The following CSMD3 variants were observed in gnomAD, a reference collection of about 807,000 sequenced individuals.
CSMD3 encodes CUB and Sushi multiple domains 3.
In CSMD3, 177 loss-of-function variants were observed where a neutral mutation model predicts 435.2. The observed-to-expected ratio is 0.41, with a 90% CI of 0.36 to 0.46. The LOEUF is 0.46. Among genes scored for constraint, CSMD3 ranks in the 20% least tolerant of loss-of-function variants. The probability of loss-of-function intolerance (pLI) is 0.34; values close to 1 mark genes in which losing one functional copy is unlikely to be tolerated. For synonymous variants in CSMD3, 1,656 were observed against 1,520.5 expected, an observed-to-expected ratio of 1.09 and a Z score of -2.07; for missense variants, 4,265 against 4,504.6, an observed-to-expected ratio of 0.95 and a Z score of 1.52.
chr8:113,096,444 C>A (rs1221988489), intron 5 of CSMD3, among the ~76,000 whole-genome samples: 5 of 152,054 alleles, frequency 3.3e-5, no homozygotes, highest in Non-Finnish European at 7.4e-5. Flanking sequence ...GCCTCACCTC[C>A]ACTGCTATTT....
At chr8:112,819,281 C>CTG (rs1447919387) in intron 12 of CSMD3, among the ~76,000 whole-genome samples, 13 of 152,160 alleles carry the variant, frequency 8.5e-5, no homozygotes, top group Admixed American at 7.9e-4. Context: ...AACATGCAGG[C>CTG]TGGGTTGACA....
rs546180350 is a variant in CSMD3, at chr8:112,437,514, T to A, written c.5396-28482A>T. 6.1e-4 allele frequency among the ~76,000 whole-genome samples: 93 copies of A among 152,166 alleles called. 1 individual carries two copies. Among genetic ancestry groups the A allele is most frequent in the African/African-American group, 2.1e-3 (88 of 41,552 alleles). On this transcript the variant is annotated intron_variant, in intron 32 of 70. Transcript: ENST00000297405. ...ATCTCTGGATTCATAAACAAATATG[T>A]CAATAAAGCATGGGAATTCCATGTG...
chr8:112,948,657 A>C (rs2083697379), intron 8 of CSMD3, among the ~76,000 whole-genome samples: 1 of 152,012 alleles, frequency 6.6e-6, no homozygotes, highest in African/African-American at 2.4e-5. Context: ...TTCAATCTTA[A>C]AGTGAACTGG....
rs552807226 is a variant in CSMD3, at chr8:112,931,168, T to A, written c.1509-9417A>T. On this transcript the variant is annotated intron_variant, in intron 9 of 70. Coordinates refer to ENST00000297405, the MANE Select transcript of CSMD3 (RefSeq NM_198123.2). ...AAATACTTCATCATTTTTTTTATGT[T>A]GCTATGCCTCTTTCATGAATAAAAT... 1.4e-4 allele frequency among the ~76,000 whole-genome samples: 21 copies of A among 152,236 alleles called. No homozygotes were observed. The South Asian group carries it at 4.4e-3, about 32-fold the overall frequency.
At chr8:112,258,265 C>T (rs984007883) in intron 61 of CSMD3, among the ~76,000 whole-genome samples, 11 of 152,056 alleles carry the variant, frequency 7.2e-5, no homozygotes, top group African/African-American at 2.7e-4. Context: ...GCAACAAAAG[C>T]CAAATTTGAC....
At chr8:113,004,979 T>C (rs1392310712) in intron 6 of CSMD3, among the ~76,000 whole-genome samples, 1 of 151,796 alleles carries the variant, frequency 6.6e-6, no homozygotes, top group Non-Finnish European at 1.5e-5. Context: ...ATGTTATACA[T>C]CATTATATAT....
intron 13 of CSMD3, among the ~76,000 whole-genome samples, chr8:112,795,378 A>G (rs1265552059): frequency 2.0e-5 from 3 of 152,210 alleles, no homozygotes; most frequent in African/African-American, 7.2e-5. Context: ...GATTGTGTCA[A>G]TGGATACAGA....
intron 64 of CSMD3, among the ~76,000 whole-genome samples, chr8:112,245,502 C>T (rs766815729): frequency 1.3e-5 from 2 of 151,794 alleles, no homozygotes; most frequent in East Asian, 1.9e-4. Context: ...TTTTTTACTC[C>T]GTGTGCTAAA....
At chr8:113,396,654 G>A (rs112347294) in intron 1 of CSMD3, among the ~76,000 whole-genome samples, 6 of 152,070 alleles carry the variant, frequency 3.9e-5, no homozygotes, top group African/African-American at 1.4e-4. Context: ...GTACTTTTGA[G>A]TAAATGTTTT....
At position 112,568,968 on chromosome 8, in the gene CSMD3, G is replaced by A. The variant is rs116666829; in HGVS notation, c.4042+4533C>T. On this transcript the variant is annotated intron_variant, in intron 24 of 70. Transcript: ENST00000297405. The stretch of plus-strand genomic sequence containing the variant: ...AGCTATAATCTAACGATATACAGCA[G>A]TGAATCATGATGGTCTAAAGTTAAA... Among the ~76,000 whole-genome samples, 653 of 152,264 alleles carry A rather than the reference G, an allele frequency of 4.3e-3. 3 individuals carry two copies. Among genetic ancestry groups the A allele is most frequent in the African/African-American group, 0.015 (612 of 41,562 alleles).
At chr8:113,029,883 ACTC>A (rs1357413794) in intron 5 of CSMD3, among the ~76,000 whole-genome samples, 1 of 151,018 alleles carries the variant, frequency 6.6e-6, no homozygotes, top group African/African-American at 2.4e-5. Flanking sequence ...AACCCTAAAG[ACTC>A]CTCCAGAAAG....
chr8:112,592,919 C>A (rs563699923), intron 22 of CSMD3, among the ~76,000 whole-genome samples: 1 of 152,000 alleles, frequency 6.6e-6, no homozygotes, highest in African/African-American at 2.4e-5. Context: ...GATACAAGTT[C>A]ATGTAATAGG....
At chr8:113,320,545 G>A (rs1401032718) in intron 1 of CSMD3, among the ~76,000 whole-genome samples, 1 of 152,044 alleles carries the variant, frequency 6.6e-6, no homozygotes, top group East Asian at 1.9e-4. Context: ...ACAAAACACT[G>A]CAACTGAGCT....
At chr8:112,493,790 T>TC (rs1820940490) in intron 30 of CSMD3, among the ~76,000 whole-genome samples, 1 of 152,114 alleles carries the variant, frequency 6.6e-6, no homozygotes, top group African/African-American at 2.4e-5. Flanking sequence ...TGTTAACAGA[T>TC]CTGGATGAGG....
At chr8:112,795,070 A>C (rs538277049) in intron 13 of CSMD3, among the ~76,000 whole-genome samples, 22 of 152,280 alleles carry the variant, frequency 1.4e-4, no homozygotes, top group African/African-American at 5.3e-4. Context: ...TACTCTAAAA[A>C]ACATGTAACT....
chr8:112,802,039 C>T (rs745946551), intron 12 of CSMD3, among the ~76,000 whole-genome samples: 18 of 151,972 alleles, frequency 1.2e-4, no homozygotes, highest in Non-Finnish European at 2.4e-4. Flanking sequence ...TGTTCCCTTA[C>T]TAACTTATCC....
At chr8:112,733,710 G>C (rs1351510129) in intron 13 of CSMD3, among the ~76,000 whole-genome samples, 1 of 151,974 alleles carries the variant, frequency 6.6e-6, no homozygotes, top group Non-Finnish European at 1.5e-5. Flanking sequence ...AATTATGTTA[G>C]TTCTAGTAAG....
chr8:112,273,159 A>T (rs1398120838), intron 59 of CSMD3, among the ~76,000 whole-genome samples: 2 of 152,210 alleles, frequency 1.3e-5, no homozygotes, highest in Non-Finnish European at 2.9e-5. Flanking sequence ...AAAAATGTCA[A>T]TGTAATTTTC....
At chr8:112,746,098 G>GT (rs1006616824) in intron 13 of CSMD3, among the ~76,000 whole-genome samples, 2 of 152,078 alleles carry the variant, frequency 1.3e-5, no homozygotes, top group Non-Finnish European at 2.9e-5. Flanking sequence ...TGCAACTATA[G>GT]TTTTATATGC....
Sources: gnomAD v4.1 joint callset for allele counts (sites outside exome capture counted in the v4.1 genomes callset) on GRCh38, gnomAD v4.1.1 for gene constraint, MANE v1.5 for transcripts, NCBI Gene and HGNC (gene_info 2026-07-23, HGNC 2026-07-21) for gene names.